The following ACAP3 variants were observed in gnomAD, a reference collection of about 807,000 sequenced individuals.
The protein encoded by ACAP3 is arf-GAP with coiled-coil, ANK repeat and PH domain-containing protein 3.
Under a neutral mutation model 104.1 loss-of-function variants are expected in ACAP3, and 56 were observed. The observed-to-expected ratio is 0.54, with a 90% CI of 0.43 to 0.67. The LOEUF (loss-of-function observed/expected upper bound fraction) is 0.67, where lower values mean the gene tolerates loss of function less well. Among genes scored for constraint, ACAP3 ranks in the 30% least tolerant of loss-of-function variants. The pLI is 0.00. For missense variants in ACAP3, 1,208 were observed against 1,174.9 expected (o/e 1.03, Z -0.41); for synonymous variants, 628 against 496.2 (o/e 1.27, Z -3.53).
intron 10 of ACAP3, 177 bp downstream of exon 10, chr1:1,299,168 A>T: frequency 1.2e-6 from 1 of 820,790 alleles, no homozygotes; most frequent in Non-Finnish European, 1.9e-6. Context: ...CGCCAACCCC[A>T]CGGGGAATGT....
rs576503335 is a variant in ACAP3 at position 1,299,814 on chromosome 1, C to T, written c.738+17G>A. The T allele has an allele frequency of 1.3e-5, 20 of 1,539,898 alleles. No individual in the cohort carries two copies. Among genetic ancestry groups the T allele is most frequent in the African/African-American group, 1.4e-5 (1 of 73,006 alleles). On this transcript the variant is annotated intron_variant, in intron 9 of 23. Coordinates refer to ENST00000354700, the MANE Select transcript of ACAP3 (RefSeq NM_030649.3). ...CCCAGGCGCCTGGTGTGCAGGGAGC[C>T]GGCTGCGCGGCCTCACCCGCTGCTG...
Position 1,307,891 on chromosome 1 carries a change from G to T in ACAP3, c.-76C>A. ...GCAGCCGCGCCGGCCCGGACCGCTC[G>T]TCCCGCCCGCGCCGCCTCGGCGCCC... On this transcript the variant is annotated 5_prime_UTR_variant, in exon 1 of 24. Coordinates refer to ENST00000354700, the MANE Select transcript of ACAP3 (RefSeq NM_030649.3). The T allele has an allele frequency of 2.3e-6, 2 of 877,410 alleles. No homozygotes were observed. The highest frequency in any genetic ancestry group is 1.4e-6 in the Non-Finnish European group (1 of 732,412). The allele number at this position is 877,410 out of a possible 1,614,324, so 54.4% of individuals were successfully genotyped here.
rs748611288 is a variant in ACAP3, at chr1:1,295,945, CA to C, written c.1503-8del. ...CCAGGCCTCCTTGTCCTGCCTGGACCAGGGGGGAACATGAGGCTGTGCCCCC... is the reference window on the plus strand; with the variant it reads ...CCAGGCCTCCTTGTCCTGCCTGGACCGGGGGGAACATGAGGCTGTGCCCCC... On this transcript the variant is annotated splice_polypyrimidine_tract_variant and splice_region_variant and intron_variant, in intron 17 of 23. Transcript: ENST00000354700. 82 of 1,612,474 alleles carry C rather than the reference CA, an allele frequency of 5.1e-5. No homozygotes were observed. The highest frequency in any genetic ancestry group is 4.3e-4 in the Admixed American group (26 of 60,002).
chr1:1,294,407 G>A lies in ACAP3; in HGVS notation c.2134C>T (p.Leu712=). ...EGKTPLVQAV[L]GGSLIVCEFL... The stretch of plus-strand genomic sequence containing the variant: ...AGCCCCCGTGGCTCGCTCACCCCTA[G>A]CACGGCCTGCACCAGCGGCGTCTTG... Residue 712 remains leucine (L), a synonymous_variant, in exon 21 of 24, where the codon CTA becomes TTA. Transcript: ENST00000354700. 6.4e-7 allele frequency: 1 copy of A among 1,574,508 alleles called. No homozygotes were observed. Among genetic ancestry groups the A allele is most frequent in the Non-Finnish European group, 8.6e-7 (1 of 1,165,188 alleles).
intron 4 of ACAP3, 85 bp from the exon 5 acceptor site, chr1:1,302,131 A>T: frequency 8.1e-7 from 1 of 1,233,524 alleles, no homozygotes. Flanking sequence ...AGCAGAGGGC[A>T]CTGCCCCCAG....
intron 14 of ACAP3, 97 bp from the exon 15 acceptor site, chr1:1,296,730 C>T (rs993452267): frequency 2.3e-6 from 3 of 1,322,786 alleles, no homozygotes; most frequent in Non-Finnish European, 3.1e-6. Flanking sequence ...CAATGCAGGC[C>T]AGGGCCCCTC....
In ACAP3 at chr1:1,302,962, C is replaced by T. The variant is rs1380437545; in HGVS notation, c.239G>A (p.Arg80Lys). 1.2e-5 allele frequency: 19 copies of T among 1,611,302 alleles called. No homozygotes were observed. Among genetic ancestry groups the T allele is most frequent in the Non-Finnish European group, 1.4e-5 (17 of 1,179,278 alleles). ...CACCTCCTGTAGGCTGTCAGCGAAC[C>T]TCTGCAGACATTCCTGGAGGAGCAG... ...GDTVISECLQ[R>K]FADSLQEVVN... Residue 80 changes from arginine to lysine, a missense_variant, in exon 4 of 24, where the codon AGG becomes AAG. Physicochemically the swap from Arg to Lys is conservative, Grantham distance 26. Coordinates refer to ENST00000354700, the MANE Select transcript of ACAP3 (RefSeq NM_030649.3).
chr1:1,303,473 G>A lies in ACAP3; in HGVS notation c.106-192C>T. 1.4e-6 allele frequency: 1 copy of A among 716,266 alleles called. No homozygotes were observed. The highest frequency in any genetic ancestry group is 2.9e-5 in the East Asian group (1 of 34,508). The allele number at this position is 716,266 out of a possible 1,614,324, so 44.4% of individuals were successfully genotyped here. On this transcript the variant is annotated intron_variant, in intron 2 of 23. Coordinates refer to ENST00000354700, the MANE Select transcript of ACAP3 (RefSeq NM_030649.3). This position sits in a 1 kb window ranked among gnomAD's most constrained non-coding sequence, Gnocchi z 4.0. ...GGGGCTTGGAGGCCCGTCTGGGAGG[G>A]GAGGGTGGGGCCGCCACGGCTCGGC...
Position 1,307,038 on chromosome 1 carries a change from CGT to C in ACAP3, c.47+729_47+730del, listed in dbSNP as rs569321580. On this transcript the variant is annotated intron_variant, in intron 1 of 23. Coordinates refer to ENST00000354700, the MANE Select transcript of ACAP3 (RefSeq NM_030649.3). ...CACAAGAGCGCACCCCGCACGAGCT[CGT>C]GCAGAGGAGGGGGCCTCACGCAGGT... The C allele has an allele frequency of 5.4e-4, 319 of 595,248 alleles. 2 individuals carry two copies. In the African/African-American group the frequency reaches 5.7e-3, roughly 11 times the overall value. The allele number at this position is 595,248 out of a possible 1,614,324, so 36.9% of individuals were successfully genotyped here.
chr1:1,307,792 G>C lies in ACAP3; in HGVS notation c.24C>G (p.Cys8Trp). 3 of 1,084,192 alleles carry C rather than the reference G, an allele frequency of 2.8e-6. No individual in the cohort carries two copies. Among genetic ancestry groups the C allele is most frequent in the Non-Finnish European group, 3.4e-6 (3 of 893,676 alleles). The allele number at this position is 1,084,192 out of a possible 1,614,324, so 67.2% of individuals were successfully genotyped here. A position where few individuals can be genotyped will look rare whatever the true frequency, so the allele number is the denominator to read the frequency against. The change falls in exon 1 of 24, where the codon TGC (cysteine) becomes TGG (tryptophan). Residue 8 changes from cysteine (C) to tryptophan (W), a missense_variant. Cys to Trp is a radical substitution (Grantham distance 215). Transcript: ENST00000354700. ...ACCTGAAGCGCGGGGAGTCCTTGACGCACTCCTCGAACTCCACGGTCATGG... is the reference window on the plus strand; with the variant it reads ...ACCTGAAGCGCGGGGAGTCCTTGACCCACTCCTCGAACTCCACGGTCATGG... MTVEFEE[C>W]VKDSPRFRAT...
Position 1,295,698 on chromosome 1 carries a change from C to T in ACAP3, c.1705+38G>A, listed in dbSNP as rs961005618. ...TGACGGAGTCCATCCCCGACCAAGG[C>T]AAGCCCCTCCCAGCCCTGCCGGGGC... On this transcript the variant is annotated intron_variant, in intron 18 of 23. Transcript: ENST00000354700. 6 of 1,573,298 alleles carry T rather than the reference C, an allele frequency of 3.8e-6. No individual in the cohort carries two copies. The African/African-American group carries it at 6.8e-5, about 18-fold the overall frequency.
In ACAP3 at chr1:1,293,492, TGGGCGCCA is replaced by T; in HGVS notation, c.*64_*71del. 1 of 1,321,312 alleles carries T rather than the reference TGGGCGCCA, an allele frequency of 7.6e-7. No individual in the cohort carries two copies. The highest frequency in any genetic ancestry group is 9.6e-7 in the Non-Finnish European group (1 of 1,039,736). The allele number at this position is 1,321,312 out of a possible 1,614,324, so 81.8% of individuals were successfully genotyped here. On this transcript the variant is annotated 3_prime_UTR_variant, in exon 24 of 24. Coordinates refer to ENST00000354700, the MANE Select transcript of ACAP3 (RefSeq NM_030649.3). ...GGTCACACGCAGGGCCGCGGCCGGGTGGGCGCCAGGGACTTCGGGGCATGCGGGGCGTC... is the reference window on the plus strand; with the variant it reads ...GGTCACACGCAGGGCCGCGGCCGGGTGGGACTTCGGGGCATGCGGGGCGTC...
In ACAP3 at chr1:1,296,247, G is replaced by A. The variant is rs575866601; in HGVS notation, c.1371C>T (p.Ser457=). The change falls in exon 16 of 24, where the codon TCC becomes TCT. Residue 457 remains serine (S), a synonymous_variant. Transcript: ENST00000354700. The part of the protein sequence containing the change: ...SLGVHCSKVR[S]LTLDSWEPEL... ...CAGGCTCCCACGAGTCCAGCGTCAG[G>A]GACCGCACCTTGGAGCAGTGGACAC... 6 of 1,563,280 alleles carry A rather than the reference G, an allele frequency of 3.8e-6. No individual in the cohort carries two copies. Among genetic ancestry groups the A allele is most frequent in the East Asian group, 4.8e-5 (2 of 41,924 alleles).
chr1:1,304,231 C>T (rs1284933800), intron 1 of ACAP3, 88 bp from the exon 2 acceptor site: 3 of 1,475,796 alleles, frequency 2.0e-6, no homozygotes, highest in African/African-American at 2.8e-5. Flanking sequence ...TGAGGGGCTC[C>T]ACCATGGGAA....
intron 4 of ACAP3, 117 bp downstream of exon 4, chr1:1,302,805 C>CT (rs1002840460): frequency 8.5e-5 from 28 of 330,576 alleles, no homozygotes; most frequent in Non-Finnish European, 1.1e-4. Context: ...TCCCCCCCCC[C>CT]CCGACTAGAG....
intron 1 of ACAP3, chr1:1,307,038 C>G (rs1557614298): frequency 8.4e-6 from 5 of 595,130 alleles, no homozygotes; most frequent in Admixed American, 2.3e-5. Context: ...CGCACGAGCT[C>G]GTGCAGAGGA....
intron 1 of ACAP3, 66 bp downstream of exon 1, chr1:1,307,703 G>A: frequency 9.4e-7 from 1 of 1,064,458 alleles, no homozygotes. Context: ...CCACCCCGCC[G>A]CCGGGCACAA....
chr1:1,299,041 G>A, intron 10 of ACAP3: 1 of 561,112 alleles, frequency 1.8e-6, no homozygotes, highest in East Asian at 3.2e-5. Context: ...GCCCCATTCA[G>A]GAGGCCTGGG....
At chr1:1,294,002 G>A in intron 22 of ACAP3, 69 bp from the exon 23 acceptor site, 1 of 1,467,674 alleles carries the variant, frequency 6.8e-7, no homozygotes, top group Non-Finnish European at 9.0e-7. Context: ...GCGGGGGCGT[G>A]GCCGGATAGG....
Sources: gnomAD v4.1 joint callset for allele counts on GRCh38, gnomAD v4.1.1 for gene constraint, Gnocchi (gnomAD v3.1) non-coding constraint, MANE v1.5 for transcripts, NCBI Gene and HGNC (gene_info 2026-07-23, HGNC 2026-07-21) for gene names.